ANKRD36: variants seen among roughly 807,000 people sequenced by gnomAD.
ANKRD36 encodes ankyrin repeat domain-containing protein 36A.
Under a neutral mutation model 278.1 loss-of-function variants are expected in ANKRD36, and 179 were observed. That is an observed-to-expected ratio of 0.64 (90% CI 0.57 to 0.73). The LOEUF (loss-of-function observed/expected upper bound fraction) is 0.73, where lower values mean the gene tolerates loss of function less well. Among genes scored for constraint, ANKRD36 ranks in the 30% least tolerant of loss-of-function variants. The pLI is 0.00. For synonymous variants in ANKRD36, 320 were observed against 641.1 expected, an observed-to-expected ratio of 0.50 and a Z score of 7.57; for missense variants, 1,159 against 1,956.7, an observed-to-expected ratio of 0.59 and a Z score of 7.69.
At chr2:97,210,893 G>A (rs2064302729) in intron 56 of ANKRD36, among the ~76,000 whole-genome samples, 1 of 151,814 alleles carries the variant, frequency 6.6e-6, no homozygotes, top group Non-Finnish European at 1.5e-5. Context: ...GGTGCCATGA[G>A]TGGATGAAGA....
In ANKRD36 at chr2:97,126,492, C is replaced by G. The variant is rs559633397; in HGVS notation, c.732-575C>G. 4.9e-4 allele frequency among the ~76,000 whole-genome samples: 75 copies of G among 151,976 alleles called. No individual in the cohort carries two copies. In the East Asian group the frequency reaches 0.01, roughly 21 times the overall value. On this transcript the variant is annotated intron_variant, in intron 5 of 75. Coordinates refer to ENST00000420699, the MANE Select transcript of ANKRD36 (RefSeq NM_001354587.1). ...TTGAGATAACCTGAATTATAAGCCA[C>G]AAATAATAGAACAATAAGCAAAATT...
At chr2:97,183,144 C>A (rs931316938) in intron 26 of ANKRD36, among the ~76,000 whole-genome samples, 14 of 151,792 alleles carry the variant, frequency 9.2e-5, no homozygotes, top group African/African-American at 3.4e-4. Context: ...ATGAGTTGCT[C>A]CTCTGATTTT....
At chr2:97,204,692 G>A (rs1252440371) in intron 50 of ANKRD36, among the ~76,000 whole-genome samples, 7 of 151,630 alleles carry the variant, frequency 4.6e-5, no homozygotes, top group African/African-American at 1.7e-4. Context: ...GACCCCTGGT[G>A]TAGCAACAGT....
intron 6 of ANKRD36, among the ~76,000 whole-genome samples, chr2:97,129,908 G>A (rs2153426646): frequency 6.6e-6 from 1 of 152,176 alleles, no homozygotes; most frequent in Middle Eastern, 3.4e-3. Context: ...GTAGCGTGAT[G>A]CCTCCAGCTT....
At chr2:97,160,668 G>A (rs1290243432) in intron 17 of ANKRD36, among the ~76,000 whole-genome samples, 3 of 152,068 alleles carry the variant, frequency 2.0e-5, no homozygotes, top group Admixed American at 2.0e-4. Context: ...TAGGCAATTA[G>A]AGCTATTAGT....
intron 67 of ANKRD36, among the ~76,000 whole-genome samples, chr2:97,232,858 A>T (rs1217187826): frequency 3.3e-5 from 5 of 152,098 alleles, no homozygotes; most frequent in Non-Finnish European, 5.9e-5. Context: ...TGGATGAAAT[A>T]AAAGAAGACA....
intron 42 of ANKRD36, among the ~76,000 whole-genome samples, chr2:97,197,272 G>A (rs1191423919): frequency 2.0e-5 from 3 of 151,924 alleles, no homozygotes; most frequent in Non-Finnish European, 1.5e-5. Context: ...TGTGAAAAGA[G>A]GAAGTCATTT....
chr2:97,123,660 G>C (rs1410155269), intron 4 of ANKRD36, among the ~76,000 whole-genome samples: 1 of 119,692 alleles, frequency 8.4e-6, no homozygotes, highest in Non-Finnish European at 1.9e-5. Flanking sequence ...CCAGCTAACA[G>C]AGCAAGGTGC....
intron 46 of ANKRD36, among the ~76,000 whole-genome samples, chr2:97,201,697 G>A (rs1002913377): frequency 5.9e-5 from 9 of 151,912 alleles, no homozygotes; most frequent in East Asian, 5.8e-4. Flanking sequence ...ACACTTCCAC[G>A]GAAGAGATGT....
At chr2:97,227,824 T>G (rs1327392533) in intron 67 of ANKRD36, among the ~76,000 whole-genome samples, 1 of 152,130 alleles carries the variant, frequency 6.6e-6, no homozygotes, top group African/African-American at 2.4e-5. Context: ...ATACCTAATT[T>G]ATTGAGAGTT....
chr2:97,150,572 G>A (rs77450822), intron 12 of ANKRD36, among the ~76,000 whole-genome samples: 2,918 of 26,104 alleles, frequency 0.11, 1 homozygote, highest in African/African-American at 0.23. Flanking sequence ...TGTCTTGAAT[G>A]TTTTGAATTT....
In ANKRD36 at chr2:97,207,962, T is replaced by C; in HGVS notation, c.3221T>C (p.Leu1074Ser). The change falls in exon 54 of 76, where the codon TTG becomes TCG. Residue 1074 changes from leucine (L) to serine (S), a missense_variant. Transcript: ENST00000420699. ...ACAAGTGCCGAGAAAGATTCTGTTT[T>C]GAATATAGCCAGAGGAAAAAAGTAT... ...KATSAEKDSV[L>S]NIARGKKYGE... 2.6e-6 allele frequency: 4 copies of C among 1,525,644 alleles called. No homozygotes were observed. Among genetic ancestry groups the C allele is most frequent in the Admixed American group, 2.0e-5 (1 of 49,756 alleles). The allele number at this position is 1,525,644 out of a possible 1,614,324, so 94.5% of individuals were successfully genotyped here.
At chr2:97,202,706 A>T (rs561429097) in intron 48 of ANKRD36, among the ~76,000 whole-genome samples, 1 of 151,928 alleles carries the variant, frequency 6.6e-6, no homozygotes, top group East Asian at 1.9e-4. Flanking sequence ...TAAGGGTGGA[A>T]GGAGAAAGAG....
chr2:97,127,195 A>G, intron 6 of ANKRD36, 61 bp downstream of exon 6: 2 of 690,480 alleles, frequency 2.9e-6, no homozygotes, highest in Non-Finnish European at 4.5e-6. Context: ...AAGAATAAAG[A>G]TGTTTTGATT....
chr2:97,138,788 T>G (rs1248856165), intron 6 of ANKRD36, among the ~76,000 whole-genome samples: 2 of 152,006 alleles, frequency 1.3e-5, no homozygotes, highest in South Asian at 2.1e-4. Flanking sequence ...GCCATACATC[T>G]ACACCATCTG....
chr2:97,197,209 C>G (rs1314039511), intron 42 of ANKRD36, among the ~76,000 whole-genome samples: 24 of 151,874 alleles, frequency 1.6e-4, no homozygotes, highest in South Asian at 4.2e-4. Flanking sequence ...ACTAAGGAGA[C>G]CCCTGTTGTA....
chr2:97,204,365 G>T, intron 50 of ANKRD36, 102 bp downstream of exon 50: 1 of 1,337,652 alleles, frequency 7.5e-7, no homozygotes, highest in East Asian at 2.6e-5. Context: ...TGCACATTCT[G>T]ATTCAGCAGT....
intron 54 of ANKRD36, among the ~76,000 whole-genome samples, chr2:97,208,630 T>C (rs1286553676): frequency 6.8e-6 from 1 of 146,378 alleles, no homozygotes; most frequent in Non-Finnish European, 1.5e-5. Context: ...AGTGGTATAA[T>C]TGGAATACAC....
intron 67 of ANKRD36, 118 bp downstream of exon 67, chr2:97,224,997 A>C (rs1313718753): frequency 1.1e-6 from 1 of 923,650 alleles, no homozygotes. Flanking sequence ...GTTGATTATA[A>C]TTTAATATTT....
Sources: gnomAD v4.1 joint callset for allele counts (sites outside exome capture counted in the v4.1 genomes callset) on GRCh38, gnomAD v4.1.1 for gene constraint, MANE v1.5 for transcripts, NCBI Gene and HGNC (gene_info 2026-07-23, HGNC 2026-07-21) for gene names.